Variants in SAMD9L observed in about 807,000 individuals in gnomAD.
SAMD9L encodes sterile alpha motif domain containing 9 like, also known as sterile alpha motif domain-containing protein 9-like.
SAMD9L carries 68 observed loss-of-function variants against 90.7 expected under a neutral mutation model. That is an observed-to-expected ratio of 0.75 (90% CI 0.62 to 0.92). The LOEUF is 0.92. SAMD9L is among the 40% of genes least tolerant of loss of function. The pLI, the probability that SAMD9L is intolerant of heterozygous loss-of-function variation, is 0.00. For synonymous variants in SAMD9L, 640 were observed against 630.1 expected (o/e 1.02, Z -0.23); for missense variants, 1,604 against 1,824.3 (o/e 0.88, Z 2.20).
chr7:93,146,559 A>G (rs1042028046), intron 2 of SAMD9L, among the ~76,000 whole-genome samples: 4 of 152,214 alleles, frequency 2.6e-5, no homozygotes, highest in African/African-American at 9.6e-5. Context: ...TAGCTTCTTA[A>G]CAAAAATCTG....
Position 93,131,183 on chromosome 7 carries a change from A to G in SAMD9L, c.*34T>C, listed in dbSNP as rs1792070404. On this transcript the variant is annotated 3_prime_UTR_variant, in exon 5 of 5. Transcript: ENST00000318238. ...AGAGAATAAAATCATAAAGATATAA[A>G]TAAACGTATTTGAACTACAGGTGAT... is the stretch of plus-strand genomic sequence containing the variant. The G allele has an allele frequency of 8.4e-7, 1 of 1,187,682 alleles. No homozygotes were observed. The highest frequency in any genetic ancestry group is 1.2e-6 in the Non-Finnish European group (1 of 849,082). 73.6% of individuals were successfully genotyped at this position (1,187,682 alleles called of 1,614,324 possible). A position where few individuals can be genotyped will look rare whatever the true frequency, so the allele number is the denominator to read the frequency against.
chr7:93,133,063 A>G lies in SAMD9L; in HGVS notation c.2909T>C (p.Leu970Pro). The G allele has an allele frequency of 6.2e-7, 1 of 1,613,586 alleles. No homozygotes were observed. Among genetic ancestry groups the G allele is most frequent in the Non-Finnish European group, 8.5e-7 (1 of 1,179,700 alleles). ...TTCTGCAACTTCTGTTTTTATTAGA[A>G]GTGTAGAATAAGTTCCCATCTTGTC... The part of the protein sequence containing the change: ...LEDKMGTYST[L>P]LIKTEVAEYG... Residue 970 changes from leucine to proline, a missense_variant, in exon 5 of 5, where the codon CTT becomes CCT. Around this residue, in one of 7 missense-constraint regions of SAMD9L, gnomAD observed 606 missense variants for 717.6 expected, o/e 0.84. Transcript: ENST00000318238.
At chr7:93,136,084 C>T (rs972198319) in intron 4 of SAMD9L, 93 bp from the exon 5 acceptor site, 6 of 805,424 alleles carry the variant, frequency 7.4e-6, no homozygotes, top group Admixed American at 7.0e-5. Flanking sequence ...ACAGAAGATA[C>T]ATATATATAT....
chr7:93,132,392 TG>T lies in SAMD9L; in HGVS notation c.3579del (p.Asn1193LysfsTer9). ...QKSQRRYDMY[N>X]TACFLGEIEV... The stretch of plus-strand genomic sequence containing the variant: ...TCTATTTCACCCAAGAAACAAGCTG[TG>T]TTATACATGTCATATCGTCTCTGGG... On this transcript the variant is annotated frameshift_variant, in exon 5 of 5. Coordinates refer to ENST00000318238, the MANE Select transcript of SAMD9L (RefSeq NM_152703.5). LOFTEE classifies it high-confidence loss of function. 1 of 1,613,938 alleles carries T rather than the reference TG, an allele frequency of 6.2e-7. No homozygotes were observed. Among genetic ancestry groups the T allele is most frequent in the Non-Finnish European group, 8.5e-7 (1 of 1,179,850 alleles).
chr7:93,132,314 C>T lies in SAMD9L; in HGVS notation c.3658G>A (p.Glu1220Lys), dbSNP rs1792154405. Residue 1220 changes from glutamate to lysine, a missense_variant, in exon 5 of 5, where the codon GAA becomes AAA. Coordinates refer to ENST00000318238, the MANE Select transcript of SAMD9L (RefSeq NM_152703.5). ...ILQLTPFFHKENELSKKHMVQ... is the reference protein window; with the variant it reads ...ILQLTPFFHKKNELSKKHMVQ... Reference sequence around the variant, plus strand: ...ATATGTTTTTTGGATAATTCATTTTCTTTGTGGAAAAAGGGAGTGAGCTGA... The same window carrying T: ...ATATGTTTTTTGGATAATTCATTTTTTTTGTGGAAAAAGGGAGTGAGCTGA... 6.2e-7 allele frequency: 1 copy of T among 1,613,512 alleles called. No individual in the cohort carries two copies. The highest frequency in any genetic ancestry group is 8.5e-7 in the Non-Finnish European group (1 of 1,179,804).
intron 4 of SAMD9L, 92 bp downstream of exon 4, chr7:93,144,640 A>T (rs1054650698): frequency 2.0e-5 from 3 of 152,192 alleles, no homozygotes; most frequent in African/African-American, 7.2e-5. Flanking sequence ...CTCTTTAGGG[A>T]CTAAGCAGGA....
At position 93,133,640 on chromosome 7, in the gene SAMD9L, C is replaced by A. The variant is rs765000494; in HGVS notation, c.2332G>T (p.Ala778Ser). ...KNKTTDFAEI[A>S]EQVINLVTYR... ...GTGACCAGATTGATCACTTGCTCTGCAATTTCTGCAAAATCAGTTGTCTTG... is the reference window on the plus strand; with the variant it reads ...GTGACCAGATTGATCACTTGCTCTGAAATTTCTGCAAAATCAGTTGTCTTG... Residue 778 changes from alanine (A) to serine (S), a missense_variant, in exon 5 of 5, where the codon GCA (alanine) becomes TCA (serine). By Grantham distance (99) the Ala-to-Ser change is moderately conservative. Around this residue, in one of 7 missense-constraint regions of SAMD9L, gnomAD observed 606 missense variants for 717.6 expected, o/e 0.84. Coordinates refer to ENST00000318238, the MANE Select transcript of SAMD9L (RefSeq NM_152703.5). The A allele has an allele frequency of 6.2e-7, 1 of 1,613,572 alleles. No homozygotes were observed. Among genetic ancestry groups the A allele is most frequent in the South Asian group, 1.1e-5 (1 of 91,018 alleles).
chr7:93,146,546 T>C (rs1213947748), intron 2 of SAMD9L, among the ~76,000 whole-genome samples: 1 of 152,252 alleles, frequency 6.6e-6, no homozygotes, highest in Non-Finnish European at 1.5e-5. Flanking sequence ...GCCTAGCACA[T>C]AATAGCTTCT....
At chr7:93,141,233 A>ACTCT (rs1444369774) in intron 4 of SAMD9L, among the ~76,000 whole-genome samples, 1 of 151,636 alleles carries the variant, frequency 6.6e-6, no homozygotes, top group African/African-American at 2.4e-5. Flanking sequence ...TTCTTCCTTA[A>ACTCT]CTCTCCACCT....
chr7:93,131,868 C>G lies in SAMD9L; in HGVS notation c.4104G>C (p.Leu1368=), dbSNP rs1792120992. 1 of 1,611,698 alleles carries G rather than the reference C, an allele frequency of 6.2e-7. No homozygotes were observed. Among genetic ancestry groups the G allele is most frequent in the Non-Finnish European group, 8.5e-7 (1 of 1,179,862 alleles). Residue 1368 remains leucine, a synonymous_variant, in exon 5 of 5, where the codon CTG becomes CTC. Coordinates refer to ENST00000318238, the MANE Select transcript of SAMD9L (RefSeq NM_152703.5). The part of the protein sequence containing the change: ...ESIVNEYAFL[L]QQNSKKPMTN... The stretch of plus-strand genomic sequence containing the variant: ...TCATGGGCTTTTTTGAGTTTTGCTG[C>G]AGTAGGAAGGCATATTCATTCACTA...
Position 93,134,421 on chromosome 7 carries a change from C to T in SAMD9L, c.1551G>A (p.Trp517Ter). 6.2e-7 allele frequency: 1 copy of T among 1,613,864 alleles called. No homozygotes were observed. The highest frequency in any genetic ancestry group is 8.5e-7 in the Non-Finnish European group (1 of 1,179,856). Residue 517 changes from tryptophan to a stop codon, truncating the protein, a stop_gained, in exon 5 of 5, where the codon TGG (tryptophan) becomes TGA (stop). Transcript: ENST00000318238. LOFTEE classifies it high-confidence loss of function. ...ETYKPLEPHLWQRERASEVRK... is the reference protein window; with the variant it reads ...ETYKPLEPHL ...TGACTTCTGAAGCTCTTTCTCTCTG[C>T]CATAAATGTGGTTCTAGAGGTTTAT...
At position 93,134,290 on chromosome 7, in the gene SAMD9L, A is replaced by G. The variant is rs921789574; in HGVS notation, c.1682T>C (p.Ile561Thr). Reference protein sequence around the residue: ...SSVESPGDPLIETFWAFYQAL... With the variant: ...SSVESPGDPLTETFWAFYQAL... ...TTGATAGAAAGCCCAGAAAGTTTCAATGAGTGGATCTCCTGGGCTTTCCAC... is the reference window on the plus strand; with the variant it reads ...TTGATAGAAAGCCCAGAAAGTTTCAGTGAGTGGATCTCCTGGGCTTTCCAC... The change falls in exon 5 of 5, where the codon ATT becomes ACT. Residue 561 changes from isoleucine to threonine, a missense_variant. By Grantham distance (89) the Ile-to-Thr change is moderately conservative. Around this residue, in one of 7 missense-constraint regions of SAMD9L, gnomAD observed 606 missense variants for 717.6 expected, o/e 0.84. Transcript: ENST00000318238. The G allele has an allele frequency of 1.9e-6, 3 of 1,613,384 alleles. No individual in the cohort carries two copies. The highest frequency in any genetic ancestry group is 1.7e-5 in the Admixed American group (1 of 59,892).
At chr7:93,141,547 C>T (rs546843794) in intron 4 of SAMD9L, among the ~76,000 whole-genome samples, 1 of 152,306 alleles carries the variant, frequency 6.6e-6, no homozygotes, top group South Asian at 2.1e-4. Flanking sequence ...GTCAATTGTT[C>T]AAGGCAAAAA....
rs750294178 is a variant in SAMD9L at position 93,131,517 on chromosome 7, G to A, written c.4455C>T (p.Asn1485=). Residue 1485 remains asparagine, a synonymous_variant, in exon 5 of 5, where the codon AAC becomes AAT. Coordinates refer to ENST00000318238, the MANE Select transcript of SAMD9L (RefSeq NM_152703.5). ...LFYLGKRKGL[N]SIVHKAKIEQ... ...CTATTTTGGCCTTGTGAACAATACT[G>A]TTTAGACCCTTCCTTTTGCCCAGAT... 1 of 1,613,970 alleles carries A rather than the reference G, an allele frequency of 6.2e-7. No homozygotes were observed. The highest frequency in any genetic ancestry group is 8.5e-7 in the Non-Finnish European group (1 of 1,179,914).
intron 4 of SAMD9L, among the ~76,000 whole-genome samples, chr7:93,144,152 G>A (rs759907914): frequency 3.3e-5 from 5 of 152,178 alleles, no homozygotes; most frequent in Admixed American, 6.5e-5. Context: ...TGAAACCACT[G>A]TATCTAACAT....
At position 93,131,676 on chromosome 7, in the gene SAMD9L, G is replaced by A. The variant is rs372573257; in HGVS notation, c.4296C>T (p.Leu1432=). ...GCTCTTGATTTTCTGGCCAGAACAG[G>A]AGGCAGGCCAAGAAATAAGGACCTG... ...QYPGPYFLAC[L]LFWPENQELD... is the part of the protein sequence containing the mutation. Residue 1432 remains leucine (L), a synonymous_variant, in exon 5 of 5, where the codon CTC becomes CTT. Transcript: ENST00000318238. 3.0e-5 allele frequency: 49 copies of A among 1,613,852 alleles called. 2 individuals carry two copies. The South Asian group carries it at 5.1e-4, about 17-fold the overall frequency.
chr7:93,131,871 T>A lies in SAMD9L; in HGVS notation c.4101A>T (p.Leu1367=), dbSNP rs765332600. The A allele has an allele frequency of 2.5e-6, 4 of 1,611,846 alleles. No homozygotes were observed. In the African/African-American group the frequency reaches 4.0e-5, roughly 16 times the overall value. Residue 1367 remains leucine (L), a synonymous_variant, in exon 5 of 5, where the codon CTA becomes CTT. Coordinates refer to ENST00000318238, the MANE Select transcript of SAMD9L (RefSeq NM_152703.5). ...TGGGCTTTTTTGAGTTTTGCTGCAG[T>A]AGGAAGGCATATTCATTCACTATAC... is the stretch of plus-strand genomic sequence containing the variant. ...MESIVNEYAF[L]LQQNSKKPMT...
rs143593856 is a variant in SAMD9L at position 93,134,276 on chromosome 7, C to T, written c.1696G>A (p.Ala566Thr). 2,647 of 1,613,440 alleles carry T rather than the reference C, an allele frequency of 1.6e-3. 1 individual carries two copies. Among genetic ancestry groups the T allele is most frequent in the Non-Finnish European group, 1.8e-3 (2,109 of 1,179,838 alleles). Residue 566 changes from alanine to threonine, a missense_variant, in exon 5 of 5, where the codon GCT (alanine) becomes ACT (threonine). Transcript: ENST00000318238. ...ATTCCTTTGAGAGCTTGATAGAAAG[C>T]CCAGAAAGTTTCAATGAGTGGATCT... Reference protein sequence around the residue: ...PGDPLIETFWAFYQALKGMEN... With the variant: ...PGDPLIETFWTFYQALKGMEN...
rs1312204981 is a variant in SAMD9L at position 93,133,683 on chromosome 7, T to C, written c.2289A>G (p.Arg763=). The C allele has an allele frequency of 6.2e-7, 1 of 1,613,464 alleles. No individual in the cohort carries two copies. The highest frequency in any genetic ancestry group is 8.5e-7 in the Non-Finnish European group (1 of 1,179,820). Residue 763 remains arginine, a synonymous_variant, in exon 5 of 5, where the codon AGA becomes AGG. Coordinates refer to ENST00000318238, the MANE Select transcript of SAMD9L (RefSeq NM_152703.5). ...HVLWDLKKNF[R]CAVLKNKTTD... is the part of the protein sequence containing the mutation. ...TTGTCTTGTTTTTTAACACAGCACATCTGAAGTTTTTCTTTAAGTCCCAGA... is the reference window on the plus strand; with the variant it reads ...TTGTCTTGTTTTTTAACACAGCACACCTGAAGTTTTTCTTTAAGTCCCAGA...
Sources: gnomAD v4.1 joint callset for allele counts (sites outside exome capture counted in the v4.1 genomes callset) on GRCh38, gnomAD v4.1.1 for gene constraint, gnomAD v4.1.1 regional missense constraint, MANE v1.5 for transcripts, NCBI Gene and HGNC (gene_info 2026-07-23, HGNC 2026-07-21) for gene names.